The following ZDHHC14 variants were observed in gnomAD, a reference collection of about 807,000 sequenced individuals.
ZDHHC14 encodes palmitoyltransferase ZDHHC14.
ZDHHC14 carries 16 observed loss-of-function variants against 47.7 expected under a neutral mutation model. That is an observed-to-expected ratio of 0.34 (90% CI 0.23 to 0.51). ZDHHC14 has a LOEUF of 0.51. Ranked by LOEUF, ZDHHC14 falls within the 20% of genes least tolerant of loss-of-function variation. The pLI, the probability that ZDHHC14 is intolerant of heterozygous loss-of-function variation, is 0.97. For missense variants in ZDHHC14, 515 were observed against 662.5 expected (o/e 0.78, Z 2.44); for synonymous variants, 293 against 278.9 (o/e 1.05, Z -0.50).
At chr6:157,615,091 GC>G (rs1784912988) in intron 3 of ZDHHC14, among the ~76,000 whole-genome samples, 1 of 152,068 alleles carries the variant, frequency 6.6e-6, no homozygotes, top group African/African-American at 2.4e-5. Flanking sequence ...TTTTTAAGCA[GC>G]TGCCCCAAAT....
At chr6:157,662,110 G>A (rs1413100121) in intron 8 of ZDHHC14, among the ~76,000 whole-genome samples, 4 of 152,046 alleles carry the variant, frequency 2.6e-5, no homozygotes, top group Admixed American at 1.3e-4. Context: ...TAAAGACAGA[G>A]AATTATATTT....
chr6:157,503,686 G>A (rs543386168), intron 1 of ZDHHC14, among the ~76,000 whole-genome samples: 4 of 152,282 alleles, frequency 2.6e-5, no homozygotes, highest in South Asian at 4.1e-4. Context: ...ATTATTAGGC[G>A]CCAGGTGGTA....
At chr6:157,664,162 A>ATC (rs1161396065) in intron 8 of ZDHHC14, among the ~76,000 whole-genome samples, 1 of 151,960 alleles carries the variant, frequency 6.6e-6, no homozygotes, top group Non-Finnish European at 1.5e-5. Flanking sequence ...TTCCTTCAAT[A>ATC]TCTCTCTCTC....
At chr6:157,506,597 A>G (rs1436798339) in intron 1 of ZDHHC14, among the ~76,000 whole-genome samples, 1 of 111,852 alleles carries the variant, frequency 8.9e-6, no homozygotes, top group Non-Finnish European at 2.1e-5. Flanking sequence ...TAGCAATGAC[A>G]AGCTAGAATC....
intron 1 of ZDHHC14, among the ~76,000 whole-genome samples, chr6:157,391,523 A>G (rs143637924): frequency 0.018 from 2,714 of 152,286 alleles, 45 homozygotes; most frequent in Non-Finnish European, 0.028. Flanking sequence ...TGTTTTTGGT[A>G]AAGTTCATTT....
Position 157,593,067 on chromosome 6 carries a change from G to A in ZDHHC14, c.486G>A (p.Val162=). The A allele has an allele frequency of 6.2e-7, 1 of 1,614,200 alleles. No homozygotes were observed. Among genetic ancestry groups the A allele is most frequent in the Non-Finnish European group, 8.5e-7 (1 of 1,180,030 alleles). Residue 162 remains valine, a synonymous_variant, in exon 3 of 9, where the codon GTG becomes GTA. Transcript: ENST00000359775. ...TKEVIINGQT[V]KLKYCFTCKI... is the part of the protein sequence containing the mutation. ...AAGTCATCATCAATGGCCAGACCGT[G>A]AAACTTAAATACTGTTTCACCTGCA...
intron 1 of ZDHHC14, among the ~76,000 whole-genome samples, chr6:157,495,888 A>G (rs555467086): frequency 5.3e-4 from 81 of 151,946 alleles, no homozygotes; most frequent in Admixed American, 1.5e-3. Flanking sequence ...TATTTTTGGT[A>G]GAGACGGGAT....
chr6:157,665,573 G>A (rs1031239361), intron 8 of ZDHHC14, among the ~76,000 whole-genome samples: 17 of 152,134 alleles, frequency 1.1e-4, no homozygotes, highest in African/African-American at 3.6e-4. Context: ...GATAGAAGAC[G>A]TGCTCCTAAG....
intron 5 of ZDHHC14, among the ~76,000 whole-genome samples, chr6:157,637,284 G>C (rs1170076199): frequency 1.3e-5 from 2 of 152,184 alleles, no homozygotes; most frequent in Admixed American, 1.3e-4. Context: ...AAAGTCAAGG[G>C]CCACTCAGGG....
At chr6:157,387,505 A>G (rs1257671788) in intron 1 of ZDHHC14, among the ~76,000 whole-genome samples, 1 of 152,148 alleles carries the variant, frequency 6.6e-6, no homozygotes, top group Non-Finnish European at 1.5e-5. Flanking sequence ...GTTTTTTTCT[A>G]AGTGCTGTGC....
intron 1 of ZDHHC14, among the ~76,000 whole-genome samples, chr6:157,391,592 T>C (rs1777420119): frequency 6.6e-6 from 1 of 152,212 alleles, no homozygotes; most frequent in African/African-American, 2.4e-5. Context: ...CATATGGCAG[T>C]CCACATATGG....
At position 157,653,600 on chromosome 6, in the gene ZDHHC14, C is replaced by T. The variant is rs776462710; in HGVS notation, c.1041C>T (p.Tyr347=). The change falls in exon 8 of 9, where the codon TAC becomes TAT. Residue 347 remains tyrosine, a synonymous_variant. Transcript: ENST00000359775. ...CACCCTCCAATGGCATCACCATGTACGGGGCCACGCAGTCACAGAGTGACA... is the reference window on the plus strand; with the variant it reads ...CACCCTCCAATGGCATCACCATGTATGGGGCCACGCAGTCACAGAGTGACA... The part of the protein sequence containing the change: ...PAAPSNGITM[Y]GATQSQSDMC... The T allele has an allele frequency of 3.5e-5, 57 of 1,613,638 alleles. No homozygotes were observed. Among genetic ancestry groups the T allele is most frequent in the South Asian group, 1.2e-4 (11 of 91,088 alleles).
rs1782191465 is a variant in ZDHHC14 at position 157,550,610 on chromosome 6, CACAG to C, written c.406+7869_406+7872del. Among the ~76,000 whole-genome samples the C allele has an allele frequency of 3.3e-5, 5 of 152,360 alleles. 1 individual carries two copies. The Middle Eastern group carries it at 0.017, about 518-fold the overall frequency. ...ACACTCTAGAGAGAACATGGTGTCA[CACAG>C]ACACTCTAGAGAGACCATGGTGTCA... On this transcript the variant is annotated intron_variant, in intron 2 of 8. Transcript: ENST00000359775.
chr6:157,589,511 G>C (rs1783825453), intron 2 of ZDHHC14, among the ~76,000 whole-genome samples: 2 of 152,086 alleles, frequency 1.3e-5, no homozygotes, highest in Admixed American at 1.3e-4. Flanking sequence ...TCATGGGGGT[G>C]GTTACCTCCA....
At chr6:157,425,118 T>C (rs1583633528) in intron 1 of ZDHHC14, among the ~76,000 whole-genome samples, 1 of 152,370 alleles carries the variant, frequency 6.6e-6, no homozygotes, top group East Asian at 1.9e-4. Context: ...TGTCCAGGAA[T>C]GGACATCAAG....
At chr6:157,604,929 G>A (rs1430708302) in intron 3 of ZDHHC14, among the ~76,000 whole-genome samples, 1 of 152,218 alleles carries the variant, frequency 6.6e-6, no homozygotes, top group Non-Finnish European at 1.5e-5. Flanking sequence ...AATGGATATT[G>A]GAGTTAGGGA....
intron 1 of ZDHHC14, among the ~76,000 whole-genome samples, chr6:157,473,243 G>T (rs1041527545): frequency 6.6e-6 from 1 of 152,168 alleles, no homozygotes; most frequent in Non-Finnish European, 1.5e-5. Flanking sequence ...TCGTCATGAT[G>T]TACAATAGAG....
chr6:157,605,811 G>A (rs894450302), intron 3 of ZDHHC14, among the ~76,000 whole-genome samples: 2 of 152,178 alleles, frequency 1.3e-5, no homozygotes, highest in African/African-American at 4.8e-5. Flanking sequence ...CAGCGGGTGG[G>A]GGGTAGGGGG....
intron 1 of ZDHHC14, among the ~76,000 whole-genome samples, chr6:157,480,944 G>A (rs685738): frequency 0.52 from 78,561 of 152,050 alleles, 21,951 homozygotes; most frequent in East Asian, 0.9. Flanking sequence ...AATGTGTTTT[G>A]CATTGTTCAT....
Sources: allele counts gnomAD v4.1 joint callset (sites outside exome capture counted in the v4.1 genomes callset), GRCh38; gene constraint gnomAD v4.1.1; transcripts MANE v1.5; gene names NCBI Gene and HGNC (gene_info 2026-07-23, HGNC 2026-07-21).